The following KIRREL3 variants were observed in gnomAD, a reference collection of about 807,000 sequenced individuals.
KIRREL3 encodes the protein kirre like nephrin family adhesion molecule 3.
A neutral mutation model predicts 89.7 loss-of-function variants in KIRREL3; 36 were observed. The ratio of observed to expected loss-of-function variants is 0.40; its 90% CI spans 0.31 to 0.53. The LOEUF is 0.53. Ranked by LOEUF, KIRREL3 falls within the 20% of genes least tolerant of loss-of-function variation. KIRREL3 has a pLI of 0.49. For missense variants in KIRREL3, 864 were observed against 1,056.6 expected, an observed-to-expected ratio of 0.82 and a Z score of 2.53; for synonymous variants, 445 against 441.4, an observed-to-expected ratio of 1.01 and a Z score of -0.10.
At chr11:126,884,467 T>G (rs765462228) in intron 1 of KIRREL3, among the ~76,000 whole-genome samples, 1 of 152,178 alleles carries the variant, frequency 6.6e-6, no homozygotes, top group Non-Finnish European at 1.5e-5. Flanking sequence ...ACAGAGAGAA[T>G]TGCAAATCTA....
rs7934066 is a variant in KIRREL3, at chr11:126,814,241, A to T, written c.55+186214T>A. 0.56 allele frequency among the ~76,000 whole-genome samples: 84,368 copies of T among 151,540 alleles called. 23,365 individuals carry two copies. The highest frequency in any genetic ancestry group is 0.59 in the Admixed American group (9,069 of 15,256). ...TGCCAGGCAGAATGGCTTTTTTTTT[A>T]AAATTAAAAAGTCAAAAAGCAACAG... is the stretch of plus-strand genomic sequence containing the variant. On this transcript the variant is annotated intron_variant, in intron 1 of 16. Transcript: ENST00000525144. The surrounding 1 kb of genome is among the most constrained non-coding windows in gnomAD (Gnocchi z 4.4).
At position 126,736,326 on chromosome 11, in the gene KIRREL3, C is replaced by T. The variant is rs1268735050; in HGVS notation, c.56-173414G>A. Among the ~76,000 whole-genome samples the T allele has an allele frequency of 1.3e-5, 2 of 152,176 alleles. No homozygotes were observed. Among genetic ancestry groups the T allele is most frequent in the African/African-American group, 4.8e-5 (2 of 41,446 alleles). On this transcript the variant is annotated intron_variant, in intron 1 of 16. Coordinates refer to ENST00000525144, the MANE Select transcript of KIRREL3 (RefSeq NM_032531.4). The surrounding 1 kb of genome is among the most constrained non-coding windows in gnomAD (Gnocchi z 5.0). The stretch of plus-strand genomic sequence containing the variant: ...CATCTCCATTTTGCAGATAAGCAAA[C>T]CGAGGCTCAGAGAAGTGAAATCATT...
At chr11:126,959,353 G>A (rs945594419) in intron 1 of KIRREL3, among the ~76,000 whole-genome samples, 9 of 151,866 alleles carry the variant, frequency 5.9e-5, no homozygotes, top group Non-Finnish European at 1.0e-4. Flanking sequence ...ACGTGCATGC[G>A]AGTGTGCACA....
intron 1 of KIRREL3, among the ~76,000 whole-genome samples, chr11:126,798,227 G>A (rs751935666): frequency 3.3e-5 from 5 of 151,842 alleles, no homozygotes; most frequent in Admixed American, 1.3e-4. Flanking sequence ...CTGAGATCCC[G>A]GGTGCACAGC....
rs183481999 is a variant in KIRREL3 at position 126,641,121 on chromosome 11, G to T, written c.56-78209C>A. Among the ~76,000 whole-genome samples, 67 of 152,242 alleles carry T rather than the reference G, an allele frequency of 4.4e-4. No homozygotes were observed. The highest frequency in any genetic ancestry group is 6.9e-4 in the Non-Finnish European group (47 of 68,022). On this transcript the variant is annotated intron_variant, in intron 1 of 16. Coordinates refer to ENST00000525144, the MANE Select transcript of KIRREL3 (RefSeq NM_032531.4). The surrounding 1 kb of genome is among the most constrained non-coding windows in gnomAD (Gnocchi z 5.0). Reference sequence around the variant, plus strand: ...GAAGAAGATGATAAACTTGTCAGTGGCAATTTTATCCTTCCAGTTACTCAG... The same window carrying T: ...GAAGAAGATGATAAACTTGTCAGTGTCAATTTTATCCTTCCAGTTACTCAG...
chr11:126,530,837 T>TA lies in KIRREL3; in HGVS notation c.134-4151_134-4150insT, dbSNP rs1958920637. ...CCTTCCCATACTTTATTTTTATTTT[T>TA]CTTTTTTTTTTGAGACGGAGTCTGA... On this transcript the variant is annotated intron_variant, in intron 2 of 16. Coordinates refer to ENST00000525144, the MANE Select transcript of KIRREL3 (RefSeq NM_032531.4). The surrounding 1 kb of genome is among the most constrained non-coding windows in gnomAD (Gnocchi z 5.8). Among the ~76,000 whole-genome samples the TA allele has an allele frequency of 9.9e-5, 15 of 151,640 alleles. No homozygotes were observed. Among genetic ancestry groups the TA allele is most frequent in the East Asian group, 7.8e-4 (4 of 5,154 alleles).
chr11:126,971,459 G>A lies in KIRREL3; in HGVS notation c.55+28996C>T, dbSNP rs150345606. On this transcript the variant is annotated intron_variant, in intron 1 of 16. Coordinates refer to ENST00000525144, the MANE Select transcript of KIRREL3 (RefSeq NM_032531.4). ...TGGACAGGGTTTTTATGTTCTGTTC[G>A]GGGTGTTGTCTTCCCAGGCTGTCAT... Among the ~76,000 whole-genome samples, 112 of 152,204 alleles carry A rather than the reference G, an allele frequency of 7.4e-4. 1 individual carries two copies. The highest frequency in any genetic ancestry group is 2.6e-3 in the African/African-American group (107 of 41,550).
Position 126,624,755 on chromosome 11 carries a change from A to G in KIRREL3, c.56-61843T>C, listed in dbSNP as rs1176783009. Among the ~76,000 whole-genome samples the G allele has an allele frequency of 6.6e-6, 1 of 152,234 alleles. No homozygotes were observed. The highest frequency in any genetic ancestry group is 1.5e-5 in the Non-Finnish European group (1 of 68,040). On this transcript the variant is annotated intron_variant, in intron 1 of 16. Coordinates refer to ENST00000525144, the MANE Select transcript of KIRREL3 (RefSeq NM_032531.4). The surrounding 1 kb of genome is among the most constrained non-coding windows in gnomAD (Gnocchi z 6.0). ...TTCCCGAGCATCAATAACGTGTGTC[A>G]TGATGTAATGCAGGGAGACCTCCAG...
Position 126,669,851 on chromosome 11 carries a change from G to T in KIRREL3, c.56-106939C>A, listed in dbSNP as rs1018255002. Reference sequence around the variant, plus strand: ...TGTCTTCCTAAATCTTTTTTTGGAGGTCTAATAATTACCGAAAACTGTAAC... The same window carrying T: ...TGTCTTCCTAAATCTTTTTTTGGAGTTCTAATAATTACCGAAAACTGTAAC... On this transcript the variant is annotated intron_variant, in intron 1 of 16. Coordinates refer to ENST00000525144, the MANE Select transcript of KIRREL3 (RefSeq NM_032531.4). The surrounding 1 kb of genome is among the most constrained non-coding windows in gnomAD (Gnocchi z 5.0). Among the ~76,000 whole-genome samples the T allele has an allele frequency of 1.3e-5, 2 of 152,084 alleles. No homozygotes were observed. The highest frequency in any genetic ancestry group is 4.8e-5 in the African/African-American group (2 of 41,388).
chr11:126,714,779 T>TG (rs1484641042), intron 1 of KIRREL3, among the ~76,000 whole-genome samples: 1 of 152,142 alleles, frequency 6.6e-6, no homozygotes, highest in Non-Finnish European at 1.5e-5. Context: ...GATCGCCCCC[T>TG]GAAACAAACT....
rs774812597 is a variant in KIRREL3 at position 126,909,985 on chromosome 11, G to A, written c.55+90470C>T. Among the ~76,000 whole-genome samples, 3 of 152,164 alleles carry A rather than the reference G, an allele frequency of 2.0e-5. No individual in the cohort carries two copies. The highest frequency in any genetic ancestry group is 4.4e-5 in the Non-Finnish European group (3 of 68,038). On this transcript the variant is annotated intron_variant, in intron 1 of 16. Transcript: ENST00000525144. This position sits in a 1 kb window ranked among gnomAD's most constrained non-coding sequence, Gnocchi z 4.5. ...GCGGGCAATTTGTTAAGGTTGCAGA[G>A]CAGCAGTTCCAGGGTTGTAAAAGAT... is the stretch of plus-strand genomic sequence containing the variant.
intron 2 of KIRREL3, among the ~76,000 whole-genome samples, chr11:126,542,144 G>A (rs1230799002): frequency 2.0e-5 from 3 of 152,210 alleles, no homozygotes; most frequent in Non-Finnish European, 4.4e-5. Context: ...AGGCCCACCC[G>A]GCGTGCACTG....
At position 126,879,878 on chromosome 11, in the gene KIRREL3, G is replaced by C. The variant is rs1945428349; in HGVS notation, c.55+120577C>G. Among the ~76,000 whole-genome samples the C allele has an allele frequency of 6.6e-6, 1 of 152,094 alleles. No individual in the cohort carries two copies. Among genetic ancestry groups the C allele is most frequent in the Non-Finnish European group, 1.5e-5 (1 of 68,026 alleles). ...CTCACTGAGTGGTTAGCCTGCTTTT[G>C]TGCTCCCATTTCAGAACAGACCATT... On this transcript the variant is annotated intron_variant, in intron 1 of 16. Coordinates refer to ENST00000525144, the MANE Select transcript of KIRREL3 (RefSeq NM_032531.4). The surrounding 1 kb of genome is among the most constrained non-coding windows in gnomAD (Gnocchi z 5.4).
intron 1 of KIRREL3, among the ~76,000 whole-genome samples, chr11:126,572,821 C>T (rs758673189): frequency 6.6e-6 from 1 of 152,144 alleles, no homozygotes; most frequent in African/African-American, 2.4e-5. Flanking sequence ...CTATTTATGG[C>T]CCACATAAAA....
chr11:126,800,008 G>A (rs1184020303), intron 1 of KIRREL3, among the ~76,000 whole-genome samples: 2 of 152,204 alleles, frequency 1.3e-5, no homozygotes, highest in African/African-American at 4.8e-5. Context: ...CAGGATCTCT[G>A]TGGGTGGGGC....
Position 126,495,021 on chromosome 11 carries a change from A to T in KIRREL3, c.434-21555T>A, listed in dbSNP as rs2134348457. On this transcript the variant is annotated intron_variant, in intron 4 of 16. Transcript: ENST00000525144. The surrounding 1 kb of genome is among the most constrained non-coding windows in gnomAD (Gnocchi z 6.5). ...GTGTCTGGAGAGGAGTGAGAGGTTC[A>T]ACCAGGGTGGCTAGGCTGTGCACTG... 6.6e-6 allele frequency among the ~76,000 whole-genome samples: 1 copy of T among 152,290 alleles called. No individual in the cohort carries two copies. The highest frequency in any genetic ancestry group is 1.9e-4 in the East Asian group (1 of 5,188).
intron 2 of KIRREL3, among the ~76,000 whole-genome samples, chr11:126,554,228 CAGGTGGGTCCTGCGCA>C (rs1406610191): frequency 1.3e-5 from 2 of 152,328 alleles, no homozygotes; most frequent in Non-Finnish European, 2.9e-5. Flanking sequence ...ATGAGTATTT[CAGGTGGGTCCTGCGCA>C]CCCACCTTCC....
At position 126,431,102 on chromosome 11, in the gene KIRREL3, C is replaced by A; in HGVS notation, c.1696+317G>T. On this transcript the variant is annotated intron_variant, in intron 14 of 16. Coordinates refer to ENST00000525144, the MANE Select transcript of KIRREL3 (RefSeq NM_032531.4). This position sits in a 1 kb window ranked among gnomAD's most constrained non-coding sequence, Gnocchi z 7.1. ...AGCTCTTGTAGAGCAAGGATCAAAC[C>A]ACAAACCGCTTTTCCCCCTATCTTT... The A allele has an allele frequency of 7.1e-7, 1 of 1,401,974 alleles. No individual in the cohort carries two copies. Among genetic ancestry groups the A allele is most frequent in the Non-Finnish European group, 9.2e-7 (1 of 1,081,236 alleles). The allele number at this position is 1,401,974 out of a possible 1,614,324, so 86.8% of individuals were successfully genotyped here.
rs148425742 is a variant in KIRREL3 at position 126,969,511 on chromosome 11, C to T, written c.55+30944G>A. Among the ~76,000 whole-genome samples the T allele has an allele frequency of 3.3e-5, 5 of 152,222 alleles. No individual in the cohort carries two copies. In the East Asian group the frequency reaches 9.7e-4, roughly 29 times the overall value. On this transcript the variant is annotated intron_variant, in intron 1 of 16. Coordinates refer to ENST00000525144, the MANE Select transcript of KIRREL3 (RefSeq NM_032531.4). The surrounding 1 kb of genome is among the most constrained non-coding windows in gnomAD (Gnocchi z 4.9). ...GGGGAAGAGGGAGTAAGAACGTCTC[C>T]TGAGGGCGGAGGCTGTGGGTAGCAA... is the stretch of plus-strand genomic sequence containing the variant.
Sources: allele counts gnomAD v4.1 joint callset (sites outside exome capture counted in the v4.1 genomes callset), GRCh38; gene constraint gnomAD v4.1.1; non-coding constraint Gnocchi (gnomAD v3.1); transcripts MANE v1.5; gene names NCBI Gene and HGNC (gene_info 2026-07-23, HGNC 2026-07-21).